AQP10: variants seen among roughly 807,000 people sequenced by gnomAD.
The protein encoded by AQP10 is aquaporin 10, also known as aquaporin-10.
A neutral mutation model predicts 21.0 loss-of-function variants in AQP10; 15 were observed. The ratio of observed to expected loss-of-function variants is 0.71; its 90% CI spans 0.48 to 1.10. AQP10 has a LOEUF of 1.10. Among genes scored for constraint, AQP10 ranks in the 50% least tolerant of loss-of-function variants. The pLI is 0.00. For missense variants in AQP10, 268 were observed against 379.5 expected, an observed-to-expected ratio of 0.71 and a Z score of 2.44; for synonymous variants, 143 against 155.7, an observed-to-expected ratio of 0.92 and a Z score of 0.61.
At position 154,321,104 on chromosome 1, in the gene AQP10, G is replaced by A; in HGVS notation, c.-52G>A. ...GGCAGGCAGTAGCTGTGCAGTGACA[G>A]TGTGCCTATGCAGACAGAGGGAGCA... On this transcript the variant is annotated 5_prime_UTR_variant, in exon 1 of 6. It adds an upstream start codon to the 5' untranslated region. Coordinates refer to ENST00000324978, the MANE Select transcript of AQP10 (RefSeq NM_080429.3). The A allele has an allele frequency of 6.9e-7, 1 of 1,443,976 alleles. No homozygotes were observed. Among genetic ancestry groups the A allele is most frequent in the South Asian group, 1.2e-5 (1 of 82,348 alleles). The allele number at this position is 1,443,976 out of a possible 1,614,324, so 89.4% of individuals were successfully genotyped here. A position where few individuals can be genotyped will look rare whatever the true frequency, so the allele number is the denominator to read the frequency against.
intron 2 of AQP10, 85 bp from the exon 3 acceptor site, chr1:154,322,897 T>C: frequency 1.3e-6 from 2 of 1,528,890 alleles, no homozygotes; most frequent in Admixed American, 1.7e-5. Flanking sequence ...TTAAGAGCTA[T>C]AGGAAGGAGC....
At chr1:154,322,489 C>CTTCTTTT (rs376265152) in intron 2 of AQP10, among the ~76,000 whole-genome samples, 144 of 117,790 alleles carry the variant, frequency 1.2e-3, no homozygotes, top group African/African-American at 2.3e-3. Flanking sequence ...GTGTCTTCTT[C>CTTCTTTT]TTTTTTTTTT....
intron 2 of AQP10, among the ~76,000 whole-genome samples, chr1:154,322,412 A>T (rs138382250): frequency 6.9e-4 from 104 of 151,240 alleles, no homozygotes; most frequent in African/African-American, 2.5e-3. Flanking sequence ...GCTTGGGTGG[A>T]GCCTTGAGAC....
chr1:154,324,542 AAC>A lies in AQP10; in HGVS notation c.*64_*65del. 2 of 1,526,926 alleles carry A rather than the reference AAC, an allele frequency of 1.3e-6. No homozygotes were observed. The highest frequency in any genetic ancestry group is 1.2e-5 in the South Asian group (1 of 83,630). 94.6% of individuals were successfully genotyped at this position (1,526,926 alleles called of 1,614,324 possible). A position where few individuals can be genotyped will look rare whatever the true frequency, so the allele number is the denominator to read the frequency against. On this transcript the variant is annotated 3_prime_UTR_variant, in exon 6 of 6. Coordinates refer to ENST00000324978, the MANE Select transcript of AQP10 (RefSeq NM_080429.3). ...CCAGCCACTGACCCCGCCTGGGAAC[AAC>A]AGTCATTCTTCCTCTTTGTTAATGT... is the stretch of plus-strand genomic sequence containing the variant.
Position 154,323,886 on chromosome 1 carries a change from T to G in AQP10, c.707+80T>G, listed in dbSNP as rs1282302426. 6.4e-7 allele frequency: 1 copy of G among 1,556,804 alleles called. No homozygotes were observed. Among genetic ancestry groups the G allele is most frequent in the Non-Finnish European group, 8.7e-7 (1 of 1,148,472 alleles). On this transcript the variant is annotated intron_variant, in intron 5 of 5. Coordinates refer to ENST00000324978, the MANE Select transcript of AQP10 (RefSeq NM_080429.3). This position sits in a 1 kb window ranked among gnomAD's most constrained non-coding sequence, Gnocchi z 4.5. Reference sequence around the variant, plus strand: ...CTCTGTCCCTGGGTCCACAGCACTCTGCCTTTAAAATAGCTCTCTTGGCTT... The same window carrying G: ...CTCTGTCCCTGGGTCCACAGCACTCGGCCTTTAAAATAGCTCTCTTGGCTT...
chr1:154,324,787 G>T lies in AQP10; in HGVS notation c.*307G>T. ...GGTGCGCACCTGGATGCTGGATGGG[G>T]ACGGCTGCGGGCATCTGCAGGGTGG... is the stretch of plus-strand genomic sequence containing the variant. On this transcript the variant is annotated 3_prime_UTR_variant, in exon 6 of 6. Transcript: ENST00000324978. The T allele has an allele frequency of 4.0e-6, 1 of 249,186 alleles. No individual in the cohort carries two copies. Among genetic ancestry groups the T allele is most frequent in the Non-Finnish European group, 7.8e-6 (1 of 127,692 alleles). 15.4% of individuals were successfully genotyped at this position (249,186 alleles called of 1,614,324 possible). A position where few individuals can be genotyped will look rare whatever the true frequency, so the allele number is the denominator to read the frequency against.
chr1:154,321,102 C>G lies in AQP10; in HGVS notation c.-54C>G. On this transcript the variant is annotated 5_prime_UTR_variant, in exon 1 of 6. Transcript: ENST00000324978. Reference sequence around the variant, plus strand: ...GAGGCAGGCAGTAGCTGTGCAGTGACAGTGTGCCTATGCAGACAGAGGGAG... The same window carrying G: ...GAGGCAGGCAGTAGCTGTGCAGTGAGAGTGTGCCTATGCAGACAGAGGGAG... The G allele has an allele frequency of 6.9e-7, 1 of 1,446,768 alleles. No individual in the cohort carries two copies. Among genetic ancestry groups the G allele is most frequent in the Non-Finnish European group, 9.6e-7 (1 of 1,043,620 alleles). 89.6% of individuals were successfully genotyped at this position (1,446,768 alleles called of 1,614,324 possible).
intron 1 of AQP10, 79 bp downstream of exon 1, chr1:154,321,339 C>G: frequency 4.4e-6 from 5 of 1,144,910 alleles, no homozygotes; most frequent in Non-Finnish European, 6.2e-6. Flanking sequence ...TTATCTCTTT[C>G]TCTTGGTGTC....
chr1:154,322,893 G>T, intron 2 of AQP10, 89 bp from the exon 3 acceptor site: 1 of 1,504,722 alleles, frequency 6.6e-7, no homozygotes, highest in South Asian at 1.2e-5. Flanking sequence ...TGCCTTAAGA[G>T]CTATAGGAAG....
At chr1:154,322,902 A>G in intron 2 of AQP10, 80 bp from the exon 3 acceptor site, 8 of 1,553,136 alleles carry the variant, frequency 5.2e-6, no homozygotes, top group Non-Finnish European at 7.1e-6. Flanking sequence ...AGCTATAGGA[A>G]GGAGCAGTAG....
rs3892533 is a variant in AQP10 at position 154,324,547 on chromosome 1, T to C, written c.*67T>C. The C allele has an allele frequency of 9.4e-6, 14 of 1,490,880 alleles. No homozygotes were observed. The highest frequency in any genetic ancestry group is 1.3e-5 in the Non-Finnish European group (14 of 1,094,548). 92.4% of individuals were successfully genotyped at this position (1,490,880 alleles called of 1,614,324 possible). Reference sequence around the variant, plus strand: ...CACTGACCCCGCCTGGGAACAACAGTCATTCTTCCTCTTTGTTAATGTGCC... The same window carrying C: ...CACTGACCCCGCCTGGGAACAACAGCCATTCTTCCTCTTTGTTAATGTGCC... On this transcript the variant is annotated 3_prime_UTR_variant, in exon 6 of 6. Transcript: ENST00000324978.
intron 5 of AQP10, 194 bp from the exon 6 acceptor site, chr1:154,324,088 C>T: frequency 8.0e-7 from 1 of 1,251,216 alleles, no homozygotes; most frequent in Non-Finnish European, 1.1e-6. Context: ...TTCCCTAAGG[C>T]AAGAGGCTGG....
rs5777905 is a variant in AQP10 at position 154,322,489 on chromosome 1, C to CTTT, written c.232+446_232+448dup. ...AACTTTGGATTCACAGTGTCTTCTT[C>CTTT]TTTTTTTTTTTTTTTTTTCTTTTTT... On this transcript the variant is annotated intron_variant, in intron 2 of 5. Transcript: ENST00000324978. Among the ~76,000 whole-genome samples, 16 of 117,828 alleles carry CTTT rather than the reference C, an allele frequency of 1.4e-4. 1 individual carries two copies. The highest frequency in any genetic ancestry group is 1.3e-4 in the Non-Finnish European group (8 of 59,378). 77.3% of individuals were successfully genotyped at this position (117,828 alleles called of 152,430 possible). A position where few individuals can be genotyped will look rare whatever the true frequency, so the allele number is the denominator to read the frequency against.
rs1029164906 is a variant in AQP10 at position 154,323,482 on chromosome 1, A to G, written c.490-107A>G. ...ATCTTGGCACTCCCCACCATCCCCA[A>G]CTGCCTGTGTTGCACAAAGCCAGAT... On this transcript the variant is annotated intron_variant, in intron 4 of 5. Coordinates refer to ENST00000324978, the MANE Select transcript of AQP10 (RefSeq NM_080429.3). The surrounding 1 kb of genome is among the most constrained non-coding windows in gnomAD (Gnocchi z 4.5). 4 of 1,493,182 alleles carry G rather than the reference A, an allele frequency of 2.7e-6. No individual in the cohort carries two copies. Among genetic ancestry groups the G allele is most frequent in the African/African-American group, 1.4e-5 (1 of 72,316 alleles). The allele number at this position is 1,493,182 out of a possible 1,614,324, so 92.5% of individuals were successfully genotyped here.
chr1:154,323,173 G>T lies in AQP10; in HGVS notation c.370+54G>T. On this transcript the variant is annotated intron_variant, in intron 3 of 5. Transcript: ENST00000324978. This position sits in a 1 kb window ranked among gnomAD's most constrained non-coding sequence, Gnocchi z 4.5. ...CTTGAGAGCACCTGTGGGTGGGCAG[G>T]GGTGCCTCAGAATGGTTTTGGATGA... is the stretch of plus-strand genomic sequence containing the variant. The T allele has an allele frequency of 6.2e-7, 1 of 1,613,932 alleles. No homozygotes were observed. Among genetic ancestry groups the T allele is most frequent in the East Asian group, 2.2e-5 (1 of 44,870 alleles).
rs538367190 is a variant in AQP10, at chr1:154,323,858, G to A, written c.707+52G>A. On this transcript the variant is annotated intron_variant, in intron 5 of 5. Coordinates refer to ENST00000324978, the MANE Select transcript of AQP10 (RefSeq NM_080429.3). This position sits in a 1 kb window ranked among gnomAD's most constrained non-coding sequence, Gnocchi z 4.5. The stretch of plus-strand genomic sequence containing the variant: ...GCCTCCACTCACCTTCCTCTGCTAA[G>A]GGCTCTGTCCCTGGGTCCACAGCAC... 39 of 1,595,254 alleles carry A rather than the reference G, an allele frequency of 2.4e-5. No homozygotes were observed. The South Asian group carries it at 3.9e-4, about 16-fold the overall frequency.
At chr1:154,322,196 G>A (rs2149152633) in intron 2 of AQP10, 137 bp downstream of exon 2, 1 of 1,375,448 alleles carries the variant, frequency 7.3e-7, no homozygotes, top group Non-Finnish European at 9.8e-7. Flanking sequence ...ACTGAAATAA[G>A]CCTTTGGCCC....
chr1:154,323,679 G>A lies in AQP10; in HGVS notation c.580G>A (p.Val194Met). Residue 194 changes from valine to methionine, a missense_variant, in exon 5 of 6, where the codon GTG (valine) becomes ATG (methionine). By Grantham distance (21) the Val-to-Met change is conservative. Transcript: ENST00000324978. The surrounding 1 kb of genome is among the most constrained non-coding windows in gnomAD (Gnocchi z 4.5). ...CCCTGCGGGTCTGGAGCCTGTGGTG[G>A]TGGGGATGCTGATCCTGGCCCTCGG... Reference protein sequence around the residue: ...GVPAGLEPVVVGMLILALGLS... With the variant: ...GVPAGLEPVVMGMLILALGLS... The A allele has an allele frequency of 6.2e-7, 1 of 1,614,216 alleles. No individual in the cohort carries two copies. The highest frequency in any genetic ancestry group is 8.5e-7 in the Non-Finnish European group (1 of 1,180,026).
chr1:154,324,623 A>C lies in AQP10; in HGVS notation c.*143A>C. Reference sequence around the variant, plus strand: ...TCTGTTTGGCATCCCTTCCTCCTAAACTAAGAAGGATCCTGGACAGGGAGA... The same window carrying C: ...TCTGTTTGGCATCCCTTCCTCCTAACCTAAGAAGGATCCTGGACAGGGAGA... On this transcript the variant is annotated 3_prime_UTR_variant, in exon 6 of 6. Coordinates refer to ENST00000324978, the MANE Select transcript of AQP10 (RefSeq NM_080429.3). The C allele has an allele frequency of 1.3e-6, 1 of 793,500 alleles. No individual in the cohort carries two copies. The highest frequency in any genetic ancestry group is 1.9e-6 in the Non-Finnish European group (1 of 515,234). The allele number at this position is 793,500 out of a possible 1,614,324, so 49.2% of individuals were successfully genotyped here.
Sources: allele counts gnomAD v4.1 joint callset (sites outside exome capture counted in the v4.1 genomes callset), GRCh38; gene constraint gnomAD v4.1.1; non-coding constraint Gnocchi (gnomAD v3.1); transcripts MANE v1.5; gene names NCBI Gene and HGNC (gene_info 2026-07-23, HGNC 2026-07-21).